BCL2: variants seen among roughly 807,000 people sequenced by gnomAD.
BCL2 encodes apoptosis regulator Bcl-2.
In BCL2, 1 loss-of-function variant was observed where a neutral mutation model predicts 14.2. The observed-to-expected ratio is 0.07, with a 90% CI of 0.02 to 0.33. The LOEUF (loss-of-function observed/expected upper bound fraction) is 0.33. BCL2 is among the 10% of genes least tolerant of loss of function. BCL2 has a pLI of 0.99. For missense variants in BCL2, 247 were observed against 305.9 expected, an observed-to-expected ratio of 0.81 and a Z score of 1.44; for synonymous variants, 151 against 137.2, an observed-to-expected ratio of 1.10 and a Z score of -0.70.
chr18:63,266,336 T>C (rs1599279154), intron 2 of BCL2, among the ~76,000 whole-genome samples: 1 of 151,534 alleles, frequency 6.6e-6, no homozygotes, highest in East Asian at 2.0e-4. Context: ...GAATAGGCTA[T>C]CATAAATATA....
At position 63,150,363 on chromosome 18, in the gene BCL2, G is replaced by T. The variant is rs58359003; in HGVS notation, c.586-21604C>A. 4.3e-3 allele frequency among the ~76,000 whole-genome samples: 656 copies of T among 152,036 alleles called. 33 individuals carry two copies. The East Asian group carries it at 0.11, about 26-fold the overall frequency. ...GAGTGGACACCAGTGAATGCACTCT[G>T]CTCCTATCTTCAATACTGTGGGCCC... On this transcript the variant is annotated intron_variant, in intron 2 of 2. Coordinates refer to ENST00000333681, the MANE Select transcript of BCL2 (RefSeq NM_000633.3).
intron 2 of BCL2, among the ~76,000 whole-genome samples, chr18:63,174,618 G>A (rs971045134): frequency 2.0e-5 from 3 of 151,982 alleles, no homozygotes; most frequent in African/African-American, 4.8e-5. Context: ...TCAGGAGTTC[G>A]AGACCAGCCT....
intron 2 of BCL2, among the ~76,000 whole-genome samples, chr18:63,160,000 A>G (rs1914880627): frequency 1.3e-5 from 2 of 152,244 alleles, no homozygotes; most frequent in Non-Finnish European, 2.9e-5. Context: ...TATCATTTAC[A>G]TACAACAAAA....
chr18:63,180,578 A>T (rs897877432), intron 2 of BCL2, among the ~76,000 whole-genome samples: 2 of 139,696 alleles, frequency 1.4e-5, no homozygotes, highest in African/African-American at 5.3e-5. Context: ...TCCCAGGCTG[A>T]CCACGGCAAC....
intron 2 of BCL2, among the ~76,000 whole-genome samples, chr18:63,201,316 A>C (rs1474161752): frequency 1.3e-5 from 2 of 152,288 alleles, no homozygotes; most frequent in South Asian, 2.1e-4. Flanking sequence ...AATTCCTGAA[A>C]GTCTTTCAAA....
intron 2 of BCL2, among the ~76,000 whole-genome samples, chr18:63,184,128 C>T (rs902959385): frequency 6.6e-5 from 10 of 152,218 alleles, no homozygotes; most frequent in African/African-American, 1.2e-4. Flanking sequence ...AGGGACTCAT[C>T]GGCTGCTGGT....
chr18:63,134,878 C>A (rs1339720177), intron 2 of BCL2, among the ~76,000 whole-genome samples: 1 of 152,146 alleles, frequency 6.6e-6, no homozygotes. Context: ...TTCTATTTTT[C>A]ATGAGTTTAT....
At position 63,193,641 on chromosome 18, in the gene BCL2, CACATATATATACACAT is replaced by C. The variant is rs1216690970; in HGVS notation, c.586-64898_586-64883del. Among the ~76,000 whole-genome samples, 276 of 151,310 alleles carry C rather than the reference CACATATATATACACAT, an allele frequency of 1.8e-3. 1 individual carries two copies. The highest frequency in any genetic ancestry group is 5.6e-3 in the African/African-American group (232 of 41,320). ...ACACACACACATACAAATACACACA[CACATATATATACACAT>C]ACATATATATACACACACACACACA... On this transcript the variant is annotated intron_variant, in intron 2 of 2. Transcript: ENST00000333681.
In BCL2 at chr18:63,319,156, C is replaced by T; in HGVS notation, c.-287+18G>A. 1.4e-6 allele frequency: 1 copy of T among 708,804 alleles called. No individual in the cohort carries two copies. The highest frequency in any genetic ancestry group is 1.8e-6 in the Non-Finnish European group (1 of 552,694). 43.9% of individuals were successfully genotyped at this position (708,804 alleles called of 1,614,324 possible). A position where few individuals can be genotyped will look rare whatever the true frequency, so the allele number is the denominator to read the frequency against. On this transcript the variant is annotated intron_variant, in intron 1 of 2. Coordinates refer to ENST00000333681, the MANE Select transcript of BCL2 (RefSeq NM_000633.3). ...ATTGAAAGTTACATTAAACCAATTT[C>T]CTGTGCAGAGAACTTACTTGTATTT...
intron 2 of BCL2, among the ~76,000 whole-genome samples, chr18:63,201,394 G>C (rs1483288602): frequency 6.6e-6 from 1 of 152,096 alleles, no homozygotes; most frequent in East Asian, 1.9e-4. Context: ...GTACCTTGGG[G>C]GAATCTCCTT....
intron 2 of BCL2, among the ~76,000 whole-genome samples, chr18:63,308,648 T>C (rs548002751): frequency 3.3e-5 from 5 of 152,320 alleles, no homozygotes; most frequent in South Asian, 2.1e-4. Context: ...ATAAATGATA[T>C]ACTTTTTCAA....
chr18:63,212,712 T>C (rs995472391), intron 2 of BCL2, among the ~76,000 whole-genome samples: 20 of 151,982 alleles, frequency 1.3e-4, no homozygotes, highest in Non-Finnish European at 2.9e-5. Flanking sequence ...CTGTCTCTAC[T>C]AAAAATATAA....
At chr18:63,192,358 A>G (rs1909312644) in intron 2 of BCL2, among the ~76,000 whole-genome samples, 2 of 152,186 alleles carry the variant, frequency 1.3e-5, no homozygotes, top group South Asian at 4.1e-4. Flanking sequence ...CCCACAAGCA[A>G]TGGGGGAGTG....
chr18:63,277,024 A>G (rs1383907610), intron 2 of BCL2, among the ~76,000 whole-genome samples: 4 of 151,606 alleles, frequency 2.6e-5, no homozygotes, highest in Non-Finnish European at 5.9e-5. Flanking sequence ...CCTCCATCTC[A>G]TTTCCCGCCA....
In BCL2 at chr18:63,222,269, A is replaced by G. The variant is rs1910414613; in HGVS notation, c.586-93510T>C. Among the ~76,000 whole-genome samples the G allele has an allele frequency of 2.4e-5, 3 of 126,952 alleles. No homozygotes were observed. The South Asian group carries it at 7.4e-4, about 31-fold the overall frequency. The allele number at this position is 126,952 out of a possible 152,430, so 83.3% of individuals were successfully genotyped here. A position where few individuals can be genotyped will look rare whatever the true frequency, so the allele number is the denominator to read the frequency against. On this transcript the variant is annotated intron_variant, in intron 2 of 2. Coordinates refer to ENST00000333681, the MANE Select transcript of BCL2 (RefSeq NM_000633.3). ...AGCCTGGGCAACTAAGTGAGACTCC[A>G]CCTCAAAAAAAAAAAAAAAGAAAAA...
intron 2 of BCL2, among the ~76,000 whole-genome samples, chr18:63,140,403 T>C (rs953127231): frequency 2.6e-5 from 4 of 152,212 alleles, no homozygotes; most frequent in African/African-American, 9.7e-5. Context: ...AAATATCCAC[T>C]AACTGATGAA....
At chr18:63,139,121 T>A (rs1487797991) in intron 2 of BCL2, among the ~76,000 whole-genome samples, 2 of 152,122 alleles carry the variant, frequency 1.3e-5, no homozygotes, top group Non-Finnish European at 2.9e-5. Context: ...GAAGATGGTG[T>A]CTGGAGGGAA....
chr18:63,242,015 G>A (rs372082107), intron 2 of BCL2, among the ~76,000 whole-genome samples: 2 of 152,122 alleles, frequency 1.3e-5, no homozygotes, highest in East Asian at 1.9e-4. Context: ...TGAGCACCCC[G>A]GCTGACATTT....
chr18:63,175,334 T>C (rs1466891734), intron 2 of BCL2, among the ~76,000 whole-genome samples: 1 of 152,244 alleles, frequency 6.6e-6, no homozygotes, highest in African/African-American at 2.4e-5. Flanking sequence ...AGCCAAATGC[T>C]ATAGTCGAAT....
Sources: gnomAD v4.1 joint callset for allele counts (sites outside exome capture counted in the v4.1 genomes callset) on GRCh38, gnomAD v4.1.1 for gene constraint, MANE v1.5 for transcripts, NCBI Gene and HGNC (gene_info 2026-07-23, HGNC 2026-07-21) for gene names.